The following SLURP2 variants were observed in gnomAD, a reference collection of about 807,000 sequenced individuals.
SLURP2 encodes the protein secreted LY6/PLAUR domain containing 2, also known as secreted Ly-6/uPAR domain-containing protein 2.
Under a neutral mutation model 9.8 loss-of-function variants are expected in SLURP2, and 4 were observed. The ratio of observed to expected loss-of-function variants is 0.41; its 90% CI spans 0.20 to 0.94. The LOEUF (loss-of-function observed/expected upper bound fraction) is 0.94, where lower values mean the gene tolerates loss of function less well. SLURP2 is among the 40% of genes least tolerant of loss of function. The pLI is 0.32. For missense variants in SLURP2, 118 were observed against 126.4 expected, an observed-to-expected ratio of 0.93 and a Z score of 0.32; for synonymous variants, 58 against 56.2, an observed-to-expected ratio of 1.03 and a Z score of -0.15.
In SLURP2 at chr8:142,764,389, G is replaced by A. The variant is rs920872982; in HGVS notation, c.*216C>T. 1.5e-6 allele frequency: 1 copy of A among 665,604 alleles called. No homozygotes were observed. Among genetic ancestry groups the A allele is most frequent in the South Asian group, 1.6e-5 (1 of 61,172 alleles). 41.2% of individuals were successfully genotyped at this position (665,604 alleles called of 1,614,324 possible). A position where few individuals can be genotyped will look rare whatever the true frequency, so the allele number is the denominator to read the frequency against. On this transcript the variant is annotated 3_prime_UTR_variant, in exon 3 of 3. Coordinates refer to ENST00000317543, the MANE Select transcript of SLURP2 (RefSeq NM_177458.3). The stretch of plus-strand genomic sequence containing the variant: ...TATTGTGGGGAGGTCGGGACCTGAA[G>A]GGGCGGCAGGCACGATGGGCCCCAG...
At chr8:142,769,164 T>C (rs1455064831) in intron 1 of SLURP2, among the ~76,000 whole-genome samples, 1 of 146,874 alleles carries the variant, frequency 6.8e-6, no homozygotes, top group South Asian at 2.2e-4. Flanking sequence ...GGCCAAGGGA[T>C]CTGAAGCTGG....
chr8:142,765,230 A>G (rs994954817), intron 1 of SLURP2, 90 bp from the exon 2 acceptor site: 4 of 978,028 alleles, frequency 4.1e-6, no homozygotes, highest in African/African-American at 1.6e-5. Flanking sequence ...ATCTCCACCC[A>G]GCAGCCCATG....
rs1479835343 is a variant in SLURP2, at chr8:142,768,385, T to C, written c.52+1370A>G. ...CCTCGGGGAGATTGTGCTGTCCATG[T>C]ATGGCAGAGAGCAGACACCAAGCAA... On this transcript the variant is annotated intron_variant, in intron 1 of 2. Transcript: ENST00000317543. The surrounding 1 kb of genome is among the most constrained non-coding windows in gnomAD (Gnocchi z 4.8). Among the ~76,000 whole-genome samples, 3 of 151,970 alleles carry C rather than the reference T, an allele frequency of 2.0e-5. No homozygotes were observed. The highest frequency in any genetic ancestry group is 4.4e-5 in the Non-Finnish European group (3 of 67,968).
Position 142,764,534 on chromosome 8 carries a change from C to T in SLURP2, c.*71G>A, listed in dbSNP as rs769639253. The T allele has an allele frequency of 1.1e-5, 16 of 1,517,400 alleles. No individual in the cohort carries two copies. The highest frequency in any genetic ancestry group is 1.4e-5 in the Non-Finnish European group (16 of 1,112,618). The allele number at this position is 1,517,400 out of a possible 1,614,324, so 94.0% of individuals were successfully genotyped here. ...CTGGCCAGTCTCGAGGGAGGGGCAG[C>T]TGTGAGCCCTGGCGCCAGGCTGTGG... On this transcript the variant is annotated 3_prime_UTR_variant, in exon 3 of 3. Transcript: ENST00000317543.
intron 1 of SLURP2, among the ~76,000 whole-genome samples, chr8:142,766,845 C>A (rs937928606): frequency 9.2e-5 from 14 of 152,320 alleles, no homozygotes; most frequent in African/African-American, 3.4e-4. Context: ...AATGGTGTGG[C>A]CATAAGGATG....
intron 1 of SLURP2, among the ~76,000 whole-genome samples, 173 bp downstream of exon 1, chr8:142,769,582 G>C (rs995383162): frequency 6.6e-6 from 1 of 151,366 alleles, no homozygotes; most frequent in Non-Finnish European, 1.5e-5. Context: ...TGAGCTGGAT[G>C]GACCTGCAGG....
chr8:142,768,695 C>T lies in SLURP2; in HGVS notation c.52+1060G>A, dbSNP rs1194110955. 1.3e-5 allele frequency among the ~76,000 whole-genome samples: 2 copies of T among 152,148 alleles called. No individual in the cohort carries two copies. Among genetic ancestry groups the T allele is most frequent in the African/African-American group, 2.4e-5 (1 of 41,430 alleles). ...AGGCCTTCTCCAGGTTAAGTCGAGT[C>T]CCCAGGCCCCTGTGTGTCTCGGACC... On this transcript the variant is annotated intron_variant, in intron 1 of 2. Transcript: ENST00000317543. This position sits in a 1 kb window ranked among gnomAD's most constrained non-coding sequence, Gnocchi z 4.8.
intron 1 of SLURP2, among the ~76,000 whole-genome samples, chr8:142,767,444 G>A (rs946146083): frequency 2.0e-5 from 3 of 152,220 alleles, no homozygotes; most frequent in Non-Finnish European, 4.4e-5. Flanking sequence ...ACAGCTGGCT[G>A]GGGTGGGGGG....
At position 142,765,263 on chromosome 8, in the gene SLURP2, C is replaced by G. The variant is rs146887814; in HGVS notation, c.53-123G>C. ...ATGCTCCTTCTCAGCGGCCAGTGTC[C>G]CGACCCTGTGATCCAGCCCTCTCAG... On this transcript the variant is annotated intron_variant, in intron 1 of 2. Coordinates refer to ENST00000317543, the MANE Select transcript of SLURP2 (RefSeq NM_177458.3). 537 of 741,890 alleles carry G rather than the reference C, an allele frequency of 7.2e-4. 5 individuals carry two copies. The East Asian group carries it at 0.014, about 19-fold the overall frequency. 46.0% of individuals were successfully genotyped at this position (741,890 alleles called of 1,614,324 possible).
In SLURP2 at chr8:142,769,812, C is replaced by T. The variant is rs773479264; in HGVS notation, c.-6G>A. ...AGCCCAGTGCCGAGCTGCATGTTCT[C>T]CTGGTGAGGTCGGGCTGTCGGCGCC... is the stretch of plus-strand genomic sequence containing the variant. On this transcript the variant is annotated 5_prime_UTR_variant, in exon 1 of 3. Coordinates refer to ENST00000317543, the MANE Select transcript of SLURP2 (RefSeq NM_177458.3). The T allele has an allele frequency of 2.5e-6, 4 of 1,592,904 alleles. No homozygotes were observed. The South Asian group carries it at 3.4e-5, about 14-fold the overall frequency.
In SLURP2 at chr8:142,768,079, G is replaced by A. The variant is rs1013941402; in HGVS notation, c.52+1676C>T. Among the ~76,000 whole-genome samples the A allele has an allele frequency of 5.9e-5, 9 of 151,842 alleles. No homozygotes were observed. In the South Asian group the frequency reaches 1.9e-3, roughly 32 times the overall value. On this transcript the variant is annotated intron_variant, in intron 1 of 2. Transcript: ENST00000317543. The surrounding 1 kb of genome is among the most constrained non-coding windows in gnomAD (Gnocchi z 4.8). The stretch of plus-strand genomic sequence containing the variant: ...CCGGAAAGGCTGCTCGATGGTGACT[G>A]TGAGGACACAGGGACAGTGTTCAGA...
At chr8:142,765,301 T>G (rs1587603105) in intron 1 of SLURP2, among the ~76,000 whole-genome samples, 161 bp from the exon 2 acceptor site, 1 of 152,220 alleles carries the variant, frequency 6.6e-6, no homozygotes. Context: ...GCTGGGCCCC[T>G]GTCCCTCACC....
intron 2 of SLURP2, 131 bp from the exon 3 acceptor site, chr8:142,764,872 G>C: frequency 8.0e-7 from 1 of 1,248,794 alleles, no homozygotes; most frequent in South Asian, 1.3e-5. Flanking sequence ...TCCTGGGGCA[G>C]ACGTGGCCCT....
intron 1 of SLURP2, among the ~76,000 whole-genome samples, 154 bp from the exon 2 acceptor site, chr8:142,765,294 G>A (rs2068252483): frequency 1.3e-5 from 2 of 152,222 alleles, no homozygotes. Context: ...CTCAGGAGCT[G>A]GGCCCCTGTC....
chr8:142,765,027 CCCACTTACGGGTGG>C lies in SLURP2; in HGVS notation c.152_157+8del. On this transcript the variant is annotated splice_donor_variant and splice_donor_5th_base_variant and coding_sequence_variant and intron_variant, in exon 2 of 3. Coordinates refer to ENST00000317543, the MANE Select transcript of SLURP2 (RefSeq NM_177458.3). LOFTEE classifies it high-confidence loss of function. ...AGGACGTGGCCAGCCCACCACTGTT[CCCACTTACGGGTGG>C]CAGTGGTGACACAGTGGGTGGAGTC... 2 of 1,601,434 alleles carry C rather than the reference CCCACTTACGGGTGG, an allele frequency of 1.2e-6. No homozygotes were observed. Among genetic ancestry groups the C allele is most frequent in the Non-Finnish European group, 1.7e-6 (2 of 1,171,762 alleles).
intron 1 of SLURP2, among the ~76,000 whole-genome samples, chr8:142,767,458 C>G (rs73362655): frequency 4.6e-5 from 7 of 152,156 alleles, no homozygotes. Context: ...TGGGGGGTAG[C>G]AGGGAAGATG....
chr8:142,764,343 C>G lies in SLURP2; in HGVS notation c.*262G>C. 1.6e-6 allele frequency: 1 copy of G among 612,486 alleles called. No individual in the cohort carries two copies. 37.9% of individuals were successfully genotyped at this position (612,486 alleles called of 1,614,324 possible). On this transcript the variant is annotated 3_prime_UTR_variant, in exon 3 of 3. Transcript: ENST00000317543. ...CTCCACTCTCACTGCATAGCTTGTA[C>G]CACACGATCCAATCACATTTTATTG...
intron 1 of SLURP2, among the ~76,000 whole-genome samples, chr8:142,767,278 C>T (rs2130073930): frequency 6.6e-6 from 1 of 152,362 alleles, no homozygotes; most frequent in East Asian, 1.9e-4. Context: ...CAAGCTGAGA[C>T]CCCACCTTCG....
chr8:142,765,305 C>T (rs1814967093), intron 1 of SLURP2, among the ~76,000 whole-genome samples, 165 bp from the exon 2 acceptor site: 1 of 152,236 alleles, frequency 6.6e-6, no homozygotes, highest in Non-Finnish European at 1.5e-5. Flanking sequence ...GGCCCCTGTC[C>T]CTCACCTTGG....
Sources: gnomAD v4.1 joint callset for allele counts (sites outside exome capture counted in the v4.1 genomes callset) on GRCh38, gnomAD v4.1.1 for gene constraint, Gnocchi (gnomAD v3.1) non-coding constraint, MANE v1.5 for transcripts, NCBI Gene and HGNC (gene_info 2026-07-23, HGNC 2026-07-21) for gene names.